ZNF595: variants seen among roughly 807,000 people sequenced by gnomAD.
The protein encoded by ZNF595 is zinc finger protein 595.
Under a neutral mutation model 19.4 loss-of-function variants are expected in ZNF595, and 9 were observed. The ratio of observed to expected loss-of-function variants is 0.46; its 90% CI spans 0.28 to 0.81. The LOEUF is 0.81. Among genes scored for constraint, ZNF595 ranks in the 30% least tolerant of loss-of-function variants. The pLI, the probability that ZNF595 is intolerant of heterozygous loss-of-function variation, is 0.11. For missense variants in ZNF595, 729 were observed against 736.0 expected, an observed-to-expected ratio of 0.99 and a Z score of 0.11; for synonymous variants, 255 against 255.9, an observed-to-expected ratio of 1.00 and a Z score of 0.03.
chr4:84,905 T>C (rs555902993), intron 3 of ZNF595, among the ~76,000 whole-genome samples: 23 of 152,318 alleles, frequency 1.5e-4, no homozygotes, highest in South Asian at 6.2e-4. Flanking sequence ...TCATTTCTTA[T>C]GGTTGTTTTC....
In ZNF595 at chr4:87,702, G is replaced by A; in HGVS notation, c.*251G>A. ...TGTTCTTTGTATTACACACAGTCCA[G>A]TTATACACTTTAATTTTTTTTTTTT... On this transcript the variant is annotated 3_prime_UTR_variant, in exon 4 of 4. Transcript: ENST00000610261. 1 of 224,786 alleles carries A rather than the reference G, an allele frequency of 4.4e-6. No individual in the cohort carries two copies. The highest frequency in any genetic ancestry group is 5.6e-5 in the Admixed American group (1 of 17,712). The allele number at this position is 224,786 out of a possible 1,614,324, so 13.9% of individuals were successfully genotyped here. A position where few individuals can be genotyped will look rare whatever the true frequency, so the allele number is the denominator to read the frequency against.
At chr4:57,563 T>C (rs1230221286) in intron 1 of ZNF595, among the ~76,000 whole-genome samples, 7 of 151,232 alleles carry the variant, frequency 4.6e-5, no homozygotes, top group South Asian at 2.1e-4. Flanking sequence ...CAGTGTTTCA[T>C]ATGGACATTA....
rs1212052058 is a variant in ZNF595, at chr4:86,472, A to G, written c.968A>G (p.Gln323Arg). The change falls in exon 4 of 4, where the codon CAG becomes CGG. Residue 323 changes from glutamine (Q) to arginine (R), a missense_variant. By Grantham distance (43) the Gln-to-Arg change is conservative. Transcript: ENST00000610261. ...AAAGAATGTGGCAAAGCCTTTAGAC[A>G]GTCCAGGAGCCTGAATGAACATAAA... ...KCKECGKAFR[Q>R]SRSLNEHKNI... 6.2e-7 allele frequency: 1 copy of G among 1,613,682 alleles called. No homozygotes were observed. Among genetic ancestry groups the G allele is most frequent in the East Asian group, 2.2e-5 (1 of 44,804 alleles).
At chr4:61,434 C>T (rs1423049396) in intron 3 of ZNF595, among the ~76,000 whole-genome samples, 2 of 152,212 alleles carry the variant, frequency 1.3e-5, no homozygotes, top group Non-Finnish European at 2.9e-5. Context: ...CCGTGCCTGG[C>T]CCGCCTTCTA....
intron 3 of ZNF595, among the ~76,000 whole-genome samples, chr4:61,157 C>CTTT (rs1212049874): frequency 1.0e-4 from 15 of 147,642 alleles, no homozygotes; most frequent in East Asian, 4.0e-4. Flanking sequence ...TTCTTTTTTT[C>CTTT]TTTTTTTTTT....
In ZNF595 at chr4:53,478, G is replaced by C. The variant is rs1581306301; in HGVS notation, c.-11G>C. 6.9e-7 allele frequency: 1 copy of C among 1,453,474 alleles called. No individual in the cohort carries two copies. The highest frequency in any genetic ancestry group is 9.1e-7 in the Non-Finnish European group (1 of 1,095,992). The allele number at this position is 1,453,474 out of a possible 1,614,324, so 90.0% of individuals were successfully genotyped here. A position where few individuals can be genotyped will look rare whatever the true frequency, so the allele number is the denominator to read the frequency against. On this transcript the variant is annotated 5_prime_UTR_variant, in exon 1 of 4. Transcript: ENST00000610261. ...TGTAGCTAAGACTCCCGGATACCCT[G>C]AAGTCGGGAAATGGTGAGTGTGCGG...
rs532837979 is a variant in ZNF595, at chr4:78,839, A to C, written c.227-6892A>C. The stretch of plus-strand genomic sequence containing the variant: ...CTCCTGAGTAGCTGGGATTACAGGA[A>C]TGCACCACCATGCCCGGCTAATTTT... On this transcript the variant is annotated intron_variant, in intron 3 of 3. Transcript: ENST00000610261. 2.3e-3 allele frequency among the ~76,000 whole-genome samples: 346 copies of C among 152,244 alleles called. 2 individuals carry two copies. Among genetic ancestry groups the C allele is most frequent in the African/African-American group, 7.5e-3 (312 of 41,522 alleles).
chr4:71,349 C>T (rs1553797852), intron 3 of ZNF595, among the ~76,000 whole-genome samples: 1 of 152,108 alleles, frequency 6.6e-6, no homozygotes, highest in African/African-American at 2.4e-5. Context: ...CTGGCTGGCA[C>T]TTCCAATACT....
At chr4:84,308 T>C (rs1714045075) in intron 3 of ZNF595, among the ~76,000 whole-genome samples, 1 of 152,196 alleles carries the variant, frequency 6.6e-6, no homozygotes, top group African/African-American at 2.4e-5. Context: ...AAGTTACTTA[T>C]TTTCATATGA....
At position 62,006 on chromosome 4, in the gene ZNF595, A is replaced by G. The variant is rs1192129869; in HGVS notation, c.226+1853A>G. ...CATTTATTACCTCACATAGATAACCATTTTTTTTTTTGTCACAAGAACACT... is the reference window on the plus strand; with the variant it reads ...CATTTATTACCTCACATAGATAACCGTTTTTTTTTTTGTCACAAGAACACT... On this transcript the variant is annotated intron_variant, in intron 3 of 3. Coordinates refer to ENST00000610261, the MANE Select transcript of ZNF595 (RefSeq NM_182524.4). 4.2e-5 allele frequency among the ~76,000 whole-genome samples: 5 copies of G among 119,960 alleles called. 1 individual carries two copies. The highest frequency in any genetic ancestry group is 1.8e-4 in the African/African-American group (5 of 27,598). 78.7% of individuals were successfully genotyped at this position (119,960 alleles called of 152,430 possible).
intron 3 of ZNF595, among the ~76,000 whole-genome samples, chr4:69,455 T>C (rs1168013133): frequency 6.6e-6 from 1 of 152,202 alleles, no homozygotes; most frequent in East Asian, 1.9e-4. Context: ...TGAGATAATA[T>C]CTCACTGTTG....
chr4:87,039 A>G lies in ZNF595; in HGVS notation c.1535A>G (p.Glu512Gly), dbSNP rs782673299. Residue 512 changes from glutamate (E) to glycine (G), a missense_variant, in exon 4 of 4, where the codon GAA (glutamate) becomes GGA (glycine). Physicochemically the swap from Glu to Gly is moderately conservative, Grantham distance 98. Coordinates refer to ENST00000610261, the MANE Select transcript of ZNF595 (RefSeq NM_182524.4). ...GGAGAGAAACCCTACAAATGTAAAG[A>G]ATGTGGCAAAGCTTTTAACCAATCC... Reference protein sequence around the residue: ...HTGEKPYKCKECGKAFNQSSG... With the variant: ...HTGEKPYKCKGCGKAFNQSSG... The G allele has an allele frequency of 6.2e-7, 1 of 1,614,094 alleles. No homozygotes were observed. Among genetic ancestry groups the G allele is most frequent in the Admixed American group, 1.7e-5 (1 of 60,020 alleles).
chr4:70,908 A>T (rs1713402420), intron 3 of ZNF595, among the ~76,000 whole-genome samples: 1 of 152,150 alleles, frequency 6.6e-6, no homozygotes, highest in Non-Finnish European at 1.5e-5. Context: ...TTTGATAGGG[A>T]TTGCATTAAA....
chr4:70,809 AC>A (rs1485499706), intron 3 of ZNF595, among the ~76,000 whole-genome samples: 9 of 152,088 alleles, frequency 5.9e-5, no homozygotes, highest in Non-Finnish European at 1.3e-4. Flanking sequence ...CTTTTTTCTT[AC>A]AGTGACTTTG....
chr4:87,277 C>T lies in ZNF595; in HGVS notation c.1773C>T (p.Pro591=), dbSNP rs199885619. ...KHKRIHTGEK[P]FTCEECGKAF... ...AGAGAATTCATACTGGAGAGAAACCCTTCACATGTGAAGAATGTGGCAAAG... is the reference window on the plus strand; with the variant it reads ...AGAGAATTCATACTGGAGAGAAACCTTTCACATGTGAAGAATGTGGCAAAG... The change falls in exon 4 of 4, where the codon CCC becomes CCT. Residue 591 remains proline, a synonymous_variant. Coordinates refer to ENST00000610261, the MANE Select transcript of ZNF595 (RefSeq NM_182524.4). The T allele has an allele frequency of 7.4e-5, 120 of 1,611,878 alleles. No homozygotes were observed. The highest frequency in any genetic ancestry group is 1.0e-4 in the Non-Finnish European group (119 of 1,179,216).
chr4:87,267 G>C lies in ZNF595; in HGVS notation c.1763G>C (p.Gly588Ala). 6.2e-7 allele frequency: 1 copy of C among 1,612,004 alleles called. No individual in the cohort carries two copies. Among genetic ancestry groups the C allele is most frequent in the Non-Finnish European group, 8.5e-7 (1 of 1,179,166 alleles). The part of the protein sequence containing the change: ...TLTKHKRIHT[G>A]EKPFTCEECG... ...ACTAAACATAAGAGAATTCATACTG[G>C]AGAGAAACCCTTCACATGTGAAGAA... The change falls in exon 4 of 4, where the codon GGA becomes GCA. Residue 588 changes from glycine (G) to alanine (A), a missense_variant. Gly to Ala is a moderately conservative substitution (Grantham distance 60). This residue lies in a region of ZNF595 where 729 missense variants were observed against 675.3 expected (regional missense o/e 1.08). Transcript: ENST00000610261.
At chr4:77,079 A>G (rs1713697838) in intron 3 of ZNF595, among the ~76,000 whole-genome samples, 1 of 151,600 alleles carries the variant, frequency 6.6e-6, no homozygotes, top group South Asian at 2.1e-4. Context: ...AAATATGTAC[A>G]TTTTTACAGT....
chr4:70,227 T>A (rs1305026895), intron 3 of ZNF595, among the ~76,000 whole-genome samples: 1 of 152,158 alleles, frequency 6.6e-6, no homozygotes, highest in Non-Finnish European at 1.5e-5. Context: ...GGTCTTAGAT[T>A]TGAGTCTCTA....
intron 3 of ZNF595, among the ~76,000 whole-genome samples, chr4:69,059 T>A (rs540196694): frequency 5.6e-4 from 86 of 152,338 alleles, no homozygotes; most frequent in African/African-American, 2.0e-3. Flanking sequence ...TCTAGTTCTA[T>A]CCATGTTGTT....
Sources: gnomAD v4.1 joint callset for allele counts (sites outside exome capture counted in the v4.1 genomes callset) on GRCh38, gnomAD v4.1.1 for gene constraint, gnomAD v4.1.1 regional missense constraint, MANE v1.5 for transcripts, NCBI Gene and HGNC (gene_info 2026-07-23, HGNC 2026-07-21) for gene names.